CAPRIN1: variants seen among roughly 807,000 people sequenced by gnomAD.
CAPRIN1 encodes cell cycle associated protein 1.
A neutral mutation model predicts 100.9 loss-of-function variants in CAPRIN1; 29 were observed. The observed-to-expected ratio is 0.29, with a 90% CI of 0.21 to 0.39. The LOEUF is 0.39. CAPRIN1 is among the 10% of genes least tolerant of loss of function. The probability of loss-of-function intolerance (pLI) is 1.00; values close to 1 mark genes in which losing one functional copy is unlikely to be tolerated. For synonymous variants in CAPRIN1, 338 were observed against 307.5 expected (o/e 1.10, Z -1.04); for missense variants, 795 against 876.7 (o/e 0.91, Z 1.18).
intron 2 of CAPRIN1, among the ~76,000 whole-genome samples, chr11:34,069,305 A>G (rs1157628835): frequency 6.6e-6 from 1 of 151,916 alleles, no homozygotes; most frequent in African/African-American, 2.4e-5. Context: ...GCGCGCCACC[A>G]TGCCTGGCTA....
At chr11:34,083,766 T>TA (rs1851078229) in intron 9 of CAPRIN1, among the ~76,000 whole-genome samples, 1 of 152,156 alleles carries the variant, frequency 6.6e-6, no homozygotes, top group Non-Finnish European at 1.5e-5. Flanking sequence ...ATGTTATTCT[T>TA]ATATCAAGAC....
intron 2 of CAPRIN1, among the ~76,000 whole-genome samples, chr11:34,070,384 A>G (rs951350664): frequency 2.6e-5 from 4 of 152,040 alleles, no homozygotes; most frequent in Non-Finnish European, 5.9e-5. Flanking sequence ...GTTTATTCAG[A>G]AAAAAAATAC....
Position 34,099,239 on chromosome 11 carries a change from A to G in CAPRIN1, c.2066-64A>G. 1.0e-5 allele frequency: 16 copies of G among 1,592,932 alleles called. No individual in the cohort carries two copies. In the South Asian group the frequency reaches 1.8e-4, roughly 18 times the overall value. ...ACATGCTTCTTGACTTCAGATGAAA[A>G]TCTGCTTGAAGGCAAAACAAATAAT... On this transcript the variant is annotated intron_variant, in intron 18 of 18. Coordinates refer to ENST00000341394, the MANE Select transcript of CAPRIN1 (RefSeq NM_005898.5).
At chr11:34,084,899 G>A (rs1365616741) in intron 9 of CAPRIN1, among the ~76,000 whole-genome samples, 1 of 151,996 alleles carries the variant, frequency 6.6e-6, no homozygotes, top group Admixed American at 6.6e-5. Flanking sequence ...GATTTTATTT[G>A]AGAAGAGCAT....
At chr11:34,098,664 A>C (rs1851406970) in intron 18 of CAPRIN1, 2 of 985,062 alleles carry the variant, frequency 2.0e-6, no homozygotes, top group Non-Finnish European at 2.4e-6. Flanking sequence ...TGACTTGACT[A>C]GAAGTATCAA....
chr11:34,068,767 CAG>C (rs1323982781), intron 2 of CAPRIN1, among the ~76,000 whole-genome samples: 1 of 152,184 alleles, frequency 6.6e-6, no homozygotes, highest in East Asian at 1.9e-4. Context: ...TTTTACCACT[CAG>C]GTACCATTCT....
At chr11:34,079,494 G>A (rs1850968064) in intron 6 of CAPRIN1, 134 bp from the exon 7 acceptor site, 1 of 628,448 alleles carries the variant, frequency 1.6e-6, no homozygotes, top group South Asian at 2.2e-5. Flanking sequence ...TTGGTGAAAT[G>A]TAATCTTTTT....
chr11:34,054,000 C>A (rs1850393746), intron 2 of CAPRIN1, among the ~76,000 whole-genome samples: 1 of 152,152 alleles, frequency 6.6e-6, no homozygotes, highest in Non-Finnish European at 1.5e-5. Context: ...TTTATGTGGC[C>A]AGACACCTAA....
chr11:34,082,938 T>C lies in CAPRIN1; in HGVS notation c.880-17T>C, dbSNP rs992540872. Reference sequence around the variant, plus strand: ...GCCTTTCAAACAAATGTCTCAAACATTTACTTTGCTTTGCAGTATGTAAAT... The same window carrying C: ...GCCTTTCAAACAAATGTCTCAAACACTTACTTTGCTTTGCAGTATGTAAAT... On this transcript the variant is annotated splice_polypyrimidine_tract_variant and intron_variant, in intron 8 of 18. Transcript: ENST00000341394. The C allele has an allele frequency of 3.1e-6, 5 of 1,613,228 alleles. No individual in the cohort carries two copies. The African/African-American group carries it at 5.3e-5, about 17-fold the overall frequency.
At chr11:34,098,934 A>G in intron 18 of CAPRIN1, 1 of 1,085,392 alleles carries the variant, frequency 9.2e-7, no homozygotes, top group Non-Finnish European at 1.1e-6. Context: ...GCTAGAGTGT[A>G]CACTAGAATG....
Position 34,090,193 on chromosome 11 carries a change from A to G in CAPRIN1, c.1308A>G (p.Ser436=), listed in dbSNP as rs374077955. 5 of 1,611,476 alleles carry G rather than the reference A, an allele frequency of 3.1e-6. No individual in the cohort carries two copies. Among genetic ancestry groups the G allele is most frequent in the Admixed American group, 1.7e-5 (1 of 59,956 alleles). ...CTTATGTCTAGGTTCCTTTGGTATCATCCACAAGTGAGGGGTACACAGCAT... is the reference window on the plus strand; with the variant it reads ...CTTATGTCTAGGTTCCTTTGGTATCGTCCACAAGTGAGGGGTACACAGCAT... ...QPEATQVPLV[S]STSEGYTASQ... Residue 436 remains serine, a synonymous_variant, in exon 13 of 19, where the codon TCA becomes TCG. Coordinates refer to ENST00000341394, the MANE Select transcript of CAPRIN1 (RefSeq NM_005898.5).
intron 11 of CAPRIN1, among the ~76,000 whole-genome samples, chr11:34,087,329 ATTTTTT>A (rs5790975): frequency 2.1e-5 from 2 of 96,580 alleles, no homozygotes; most frequent in Admixed American, 1.3e-4. Flanking sequence ...TATCTCTCAC[ATTTTTT>A]TTTTTTTTTT....
At chr11:34,062,848 C>G (rs1044818800) in intron 2 of CAPRIN1, among the ~76,000 whole-genome samples, 6 of 152,064 alleles carry the variant, frequency 3.9e-5, no homozygotes, top group African/African-American at 1.4e-4. Context: ...ATAGGAGTTA[C>G]GAAGTTTTCC....
intron 15 of CAPRIN1, 98 bp downstream of exon 15, chr11:34,092,154 G>A: frequency 8.0e-7 from 1 of 1,247,102 alleles, no homozygotes; most frequent in South Asian, 1.6e-5. Context: ...GTGTCCAAGA[G>A]TTTCTGTTTT....
chr11:34,095,113 C>G (rs1051091494), intron 15 of CAPRIN1, among the ~76,000 whole-genome samples: 3 of 152,098 alleles, frequency 2.0e-5, no homozygotes, highest in Non-Finnish European at 4.4e-5. Flanking sequence ...CCCAGCTGGT[C>G]TCAAACTCCT....
chr11:34,100,333 C>T lies in CAPRIN1; in HGVS notation c.*966C>T. 1 of 151,858 alleles carries T rather than the reference C, an allele frequency of 6.6e-6. No individual in the cohort carries two copies. Among genetic ancestry groups the T allele is most frequent in the Non-Finnish European group, 1.5e-5 (1 of 67,944 alleles). 9.4% of individuals were successfully genotyped at this position (151,858 alleles called of 1,614,324 possible). A position where few individuals can be genotyped will look rare whatever the true frequency, so the allele number is the denominator to read the frequency against. ...ACATGTTTTTCCTTCAGCTTGAAAG[C>T]TTTTTTTTAAAAGGAAAAGATACCA... On this transcript the variant is annotated 3_prime_UTR_variant, in exon 19 of 19. Coordinates refer to ENST00000341394, the MANE Select transcript of CAPRIN1 (RefSeq NM_005898.5).
intron 2 of CAPRIN1, among the ~76,000 whole-genome samples, chr11:34,065,944 C>T (rs943930247): frequency 2.0e-5 from 3 of 152,134 alleles, no homozygotes; most frequent in Admixed American, 6.5e-5. Context: ...TATGATGAAA[C>T]TTTCTTTTTT....
At chr11:34,058,073 T>C (rs1395663130) in intron 2 of CAPRIN1, among the ~76,000 whole-genome samples, 1 of 152,124 alleles carries the variant, frequency 6.6e-6, no homozygotes, top group Non-Finnish European at 1.5e-5. Flanking sequence ...CAGTTCATTT[T>C]ATAGAAGACA....
At chr11:34,091,221 A>C (rs4492796) in intron 14 of CAPRIN1, among the ~76,000 whole-genome samples, 6,539 of 152,324 alleles carry the variant, frequency 0.043, 288 homozygotes, top group East Asian at 0.17. Flanking sequence ...AAAATGAAAA[A>C]ACATTCAACC....
Sources: gnomAD v4.1 joint callset for allele counts (sites outside exome capture counted in the v4.1 genomes callset) on GRCh38, gnomAD v4.1.1 for gene constraint, MANE v1.5 for transcripts, NCBI Gene and HGNC (gene_info 2026-07-23, HGNC 2026-07-21) for gene names.